The following ANO10 variants were observed in gnomAD, a reference collection of about 807,000 sequenced individuals.
ANO10 encodes the protein anoctamin 10, also known as anoctamin-10.
A neutral mutation model predicts 74.7 loss-of-function variants in ANO10; 77 were observed. The observed-to-expected ratio is 1.03, with a 90% CI of 0.86 to 1.25. The LOEUF (loss-of-function observed/expected upper bound fraction) is 1.25, where lower values mean the gene tolerates loss of function less well. ANO10 is among the 50% of genes most tolerant of loss of function. ANO10 has a pLI of 0.00. For missense variants in ANO10, 721 were observed against 778.1 expected (o/e 0.93, Z 0.87); for synonymous variants, 279 against 284.9 (o/e 0.98, Z 0.21).
chr3:43,460,568 C>A lies in ANO10; in HGVS notation c.1798-27841G>T, dbSNP rs145622289. On this transcript the variant is annotated intron_variant, in intron 11 of 12. Transcript: ENST00000292246. The stretch of plus-strand genomic sequence containing the variant: ...CTTCTATCATAAAGCAAAGTCTTTG[C>A]CTCTTGGAAAACCTCACCCATATCA... 5.2e-3 allele frequency among the ~76,000 whole-genome samples: 790 copies of A among 152,252 alleles called. 5 individuals are homozygous for A. The highest frequency in any genetic ancestry group is 0.017 in the African/African-American group (718 of 41,562).
At chr3:43,503,430 G>C (rs1311597245) in intron 11 of ANO10, among the ~76,000 whole-genome samples, 1 of 152,194 alleles carries the variant, frequency 6.6e-6, no homozygotes, top group African/African-American at 2.4e-5. Flanking sequence ...CATCCCAATA[G>C]ATGAGGAGAG....
intron 1 of ANO10, among the ~76,000 whole-genome samples, chr3:43,640,728 C>A (rs575266050): frequency 6.6e-6 from 1 of 152,250 alleles, no homozygotes; most frequent in Non-Finnish European, 1.5e-5. Flanking sequence ...TAATAATGAC[C>A]TTGAAGGTCT....
At chr3:43,686,921 TAC>T (rs1415616617) in intron 1 of ANO10, among the ~76,000 whole-genome samples, 1 of 151,920 alleles carries the variant, frequency 6.6e-6, no homozygotes, top group Non-Finnish European at 1.5e-5. Context: ...ACCTCAGACC[TAC>T]AGAGTCAGAA....
At chr3:43,659,638 T>C (rs1356172039) in intron 1 of ANO10, among the ~76,000 whole-genome samples, 2 of 152,194 alleles carry the variant, frequency 1.3e-5, no homozygotes, top group Admixed American at 1.3e-4. Flanking sequence ...ATTCCACCTA[T>C]GGGGGCAGGG....
At chr3:43,617,427 C>T (rs924508924) in intron 1 of ANO10, among the ~76,000 whole-genome samples, 2 of 151,960 alleles carry the variant, frequency 1.3e-5, no homozygotes, top group Non-Finnish European at 2.9e-5. Flanking sequence ...GACCCTGGGG[C>T]GTGGGATTAT....
intron 11 of ANO10, among the ~76,000 whole-genome samples, chr3:43,542,092 G>C (rs2149281094): frequency 6.6e-6 from 1 of 152,270 alleles, no homozygotes; most frequent in Admixed American, 6.5e-5. Context: ...CTGTAAAAAA[G>C]ATCTGCTGTA....
At chr3:43,611,262 CAG>C (rs1029718299) in intron 1 of ANO10, among the ~76,000 whole-genome samples, 1 of 152,294 alleles carries the variant, frequency 6.6e-6, no homozygotes, top group Admixed American at 6.5e-5. Flanking sequence ...AGATACAAGA[CAG>C]GGAAGTATGG....
intron 11 of ANO10, among the ~76,000 whole-genome samples, chr3:43,454,868 T>C (rs1305179164): frequency 2.6e-5 from 4 of 151,614 alleles, no homozygotes; most frequent in African/African-American, 9.7e-5. Context: ...TAGAGGGAAA[T>C]GTAAGGCCAG....
chr3:43,642,491 CA>C (rs1231978800), intron 1 of ANO10, among the ~76,000 whole-genome samples: 2 of 152,136 alleles, frequency 1.3e-5, no homozygotes, highest in East Asian at 3.8e-4. Flanking sequence ...GTGGTTGCCA[CA>C]TTTGAAATAA....
At chr3:43,520,419 T>A (rs2149213423) in intron 11 of ANO10, among the ~76,000 whole-genome samples, 1 of 152,280 alleles carries the variant, frequency 6.6e-6, no homozygotes, top group Non-Finnish European at 1.5e-5. Context: ...TTTCAACATA[T>A]GAATTTTAGG....
At position 43,566,043 on chromosome 3, in the gene ANO10, G is replaced by A. The variant is rs902886721; in HGVS notation, c.1219-316C>T. On this transcript the variant is annotated intron_variant, in intron 7 of 12. Coordinates refer to ENST00000292246, the MANE Select transcript of ANO10 (RefSeq NM_018075.5). ...CTTGGGAAGCGCAAGGGGTCAGGGA[G>A]TTCCCTTTCTGAGTCAAAGAAAGGG... Among the ~76,000 whole-genome samples, 4 of 152,320 alleles carry A rather than the reference G, an allele frequency of 2.6e-5. No individual in the cohort carries two copies. In the East Asian group the frequency reaches 5.8e-4, roughly 22 times the overall value.
At chr3:43,664,114 T>C (rs1167764888) in intron 1 of ANO10, among the ~76,000 whole-genome samples, 1 of 151,878 alleles carries the variant, frequency 6.6e-6, no homozygotes, top group East Asian at 1.9e-4. Flanking sequence ...GGCATTACAC[T>C]ACCTTACTTC....
chr3:43,472,373 T>TTTTTAAAAAAACCCTTAAAA (rs1306827155), intron 11 of ANO10: 62 of 82,184 alleles, frequency 7.5e-4, no homozygotes, highest in Non-Finnish European at 1.8e-3. Flanking sequence ...TGTATGTAAA[T>TTTTTAAAAAAACCCTTAAAA]TTTTTAAAAA....
At chr3:43,434,449 A>G (rs2093037069) in intron 11 of ANO10, among the ~76,000 whole-genome samples, 1 of 152,228 alleles carries the variant, frequency 6.6e-6, no homozygotes, top group Non-Finnish European at 1.5e-5. Context: ...AATTTTATAC[A>G]AGACAATCTC....
chr3:43,599,867 C>T (rs1330712454), intron 3 of ANO10, among the ~76,000 whole-genome samples: 5 of 151,142 alleles, frequency 3.3e-5, no homozygotes, highest in South Asian at 2.1e-4. Context: ...GATAGCACCA[C>T]TGCACTCCAG....
At chr3:43,401,801 T>C (rs1440429691) in intron 12 of ANO10, among the ~76,000 whole-genome samples, 1 of 152,246 alleles carries the variant, frequency 6.6e-6, no homozygotes, top group East Asian at 1.9e-4. Context: ...TGGCATTCTT[T>C]GGAGCATCCA....
chr3:43,669,945 C>T (rs538486403), intron 1 of ANO10, among the ~76,000 whole-genome samples: 50 of 152,126 alleles, frequency 3.3e-4, no homozygotes, highest in African/African-American at 1.1e-3. Flanking sequence ...AGGATGGTCT[C>T]GATCTCCTGA....
At chr3:43,509,311 C>T (rs1476434385) in intron 11 of ANO10, among the ~76,000 whole-genome samples, 14 of 148,622 alleles carry the variant, frequency 9.4e-5, no homozygotes, top group East Asian at 4.1e-4. Flanking sequence ...GGCACATGTA[C>T]ACGTATGTAA....
intron 1 of ANO10, among the ~76,000 whole-genome samples, chr3:43,663,070 C>A (rs1257806095): frequency 2.6e-5 from 4 of 152,090 alleles, no homozygotes. Context: ...GATATGAAAG[C>A]CTGGCAGAGA....
Sources: allele counts gnomAD v4.1 joint callset (sites outside exome capture counted in the v4.1 genomes callset), GRCh38; gene constraint gnomAD v4.1.1; transcripts MANE v1.5; gene names NCBI Gene and HGNC (gene_info 2026-07-23, HGNC 2026-07-21).